PGLYRP4: variants seen among roughly 807,000 people sequenced by gnomAD.
PGLYRP4 encodes the protein peptidoglycan recognition protein 4.
A neutral mutation model predicts 41.2 loss-of-function variants in PGLYRP4; 39 were observed. The ratio of observed to expected loss-of-function variants is 0.95; its 90% CI spans 0.73 to 1.24. The LOEUF (loss-of-function observed/expected upper bound fraction) is 1.24, where lower values mean the gene tolerates loss of function less well. Among genes scored for constraint, PGLYRP4 ranks in the 50% most tolerant of loss-of-function variants. The pLI is 0.00. For missense variants in PGLYRP4, 467 were observed against 460.7 expected (o/e 1.01, Z -0.13); for synonymous variants, 202 against 186.8 (o/e 1.08, Z -0.66).
intron 4 of PGLYRP4, among the ~76,000 whole-genome samples, chr1:153,344,391 A>G (rs1047222348): frequency 3.3e-5 from 5 of 152,194 alleles, no homozygotes; most frequent in African/African-American, 7.2e-5. Context: ...TGGCCTTCCC[A>G]GGAGCTGTGT....
At chr1:153,343,270 A>G in intron 4 of PGLYRP4, 62 bp from the exon 5 acceptor site, 1 of 1,106,048 alleles carries the variant, frequency 9.0e-7, no homozygotes, top group Non-Finnish European at 1.4e-6. Context: ...GAGAGGTGAA[A>G]CCACTTACCC....
chr1:153,342,713 G>T (rs1427278380), intron 5 of PGLYRP4, among the ~76,000 whole-genome samples: 2 of 152,074 alleles, frequency 1.3e-5, no homozygotes, highest in Non-Finnish European at 2.9e-5. Context: ...GCAGGAACTT[G>T]GAAAGCATGG....
At chr1:153,342,008 C>T (rs893990204) in intron 5 of PGLYRP4, among the ~76,000 whole-genome samples, 6 of 152,200 alleles carry the variant, frequency 3.9e-5, no homozygotes, top group Admixed American at 6.5e-5. Context: ...CAAACTTCAC[C>T]TCCTCTCTCC....
chr1:153,345,280 A>G lies in PGLYRP4; in HGVS notation c.242T>C (p.Ile81Thr). The part of the protein sequence containing the change: ...QLTTPVNVLV[I>T]HHVPGLECHD... ...ACACTCCAGTCCAGGGACATGGTGTATAACAAGGACATTCACTGGCGTGGT... is the reference window on the plus strand; with the variant it reads ...ACACTCCAGTCCAGGGACATGGTGTGTAACAAGGACATTCACTGGCGTGGT... The change falls in exon 4 of 9, where the codon ATA becomes ACA. Residue 81 changes from isoleucine (I) to threonine (T), a missense_variant. Physicochemically the swap from Ile to Thr is moderately conservative, Grantham distance 89. Coordinates refer to ENST00000359650, the MANE Select transcript of PGLYRP4 (RefSeq NM_020393.4). 6.2e-7 allele frequency: 1 copy of G among 1,614,156 alleles called. No individual in the cohort carries two copies.
chr1:153,335,656 C>T (rs1372689440), intron 8 of PGLYRP4, among the ~76,000 whole-genome samples: 1 of 149,948 alleles, frequency 6.7e-6, no homozygotes, highest in African/African-American at 2.5e-5. Context: ...ACCCGGGTGG[C>T]GGAGGTTGCA....
chr1:153,336,852 G>A lies in PGLYRP4; in HGVS notation c.943+329C>T, dbSNP rs1299929544. Among the ~76,000 whole-genome samples the A allele has an allele frequency of 5.9e-5, 9 of 152,318 alleles. No homozygotes were observed. The East Asian group carries it at 1.7e-3, about 29-fold the overall frequency. ...TAAGGAAAAGTGTCTCTACATTGTT[G>A]TCATGGTAACCAAGAGAAGATGCAT... On this transcript the variant is annotated intron_variant, in intron 8 of 8. Transcript: ENST00000359650.
At chr1:153,332,616 A>G (rs1332868134) in intron 8 of PGLYRP4, among the ~76,000 whole-genome samples, 4 of 152,162 alleles carry the variant, frequency 2.6e-5, no homozygotes, top group Non-Finnish European at 5.9e-5. Context: ...TCAAAAATAG[A>G]CCATATGCTA....
chr1:153,336,989 T>A (rs934226751), intron 8 of PGLYRP4, among the ~76,000 whole-genome samples, 192 bp downstream of exon 8: 2 of 152,198 alleles, frequency 1.3e-5, no homozygotes, highest in African/African-American at 2.4e-5. Flanking sequence ...GGAGGGTAGA[T>A]ATAGGGTGAG....
chr1:153,346,159 G>C lies in PGLYRP4; in HGVS notation c.82C>G (p.Gln28Glu). 1 of 1,613,994 alleles carries C rather than the reference G, an allele frequency of 6.2e-7. No individual in the cohort carries two copies. The highest frequency in any genetic ancestry group is 1.1e-5 in the South Asian group (1 of 91,086). Residue 28 changes from glutamine (Q) to glutamate (E), a missense_variant, in exon 3 of 9, where the codon CAG (glutamine) becomes GAG (glutamate). Physicochemically the swap from Gln to Glu is conservative, Grantham distance 29. Coordinates refer to ENST00000359650, the MANE Select transcript of PGLYRP4 (RefSeq NM_020393.4). ...DSSWNKTQAK[Q>E]VSEGLQYLFE... is the part of the protein sequence containing the mutation. ...AGGTACTGGAGCCCCTCTGATACCT[G>C]TTTAGCTTGTGTTTTGTTCCAGGAG... is the stretch of plus-strand genomic sequence containing the variant.
chr1:153,335,181 C>CA (rs34539553), intron 8 of PGLYRP4, among the ~76,000 whole-genome samples: 140,728 of 152,174 alleles, frequency 0.92, 65,128 homozygotes, highest in African/African-American at 0.97. Flanking sequence ...GCAACAAAAA[C>CA]AAAAAAGACA....
chr1:153,344,976 C>A lies in PGLYRP4; in HGVS notation c.353+193G>T, dbSNP rs1204822514. The A allele has an allele frequency of 2.2e-5, 13 of 578,494 alleles. No homozygotes were observed. The East Asian group carries it at 3.7e-4, about 17-fold the overall frequency. 35.8% of individuals were successfully genotyped at this position (578,494 alleles called of 1,614,324 possible). ...AACCTTCCTTGCTTCCTCCTGGGAG[C>A]TCTCAGAGACAGGCACCTCACAGAA... On this transcript the variant is annotated intron_variant, in intron 4 of 8. Transcript: ENST00000359650.
At chr1:153,337,372 T>A in intron 7 of PGLYRP4, 73 bp from the exon 8 acceptor site, 4 of 884,222 alleles carry the variant, frequency 4.5e-6, no homozygotes, top group Non-Finnish European at 7.2e-6. Context: ...TGTATTAATT[T>A]ATTCATGTCT....
At chr1:153,347,769 C>G in intron 2 of PGLYRP4, 115 bp downstream of exon 2, 1 of 767,190 alleles carries the variant, frequency 1.3e-6, no homozygotes, top group Non-Finnish European at 2.3e-6. Flanking sequence ...TCTCGGCTCA[C>G]TGCAGCCTTG....
intron 8 of PGLYRP4, among the ~76,000 whole-genome samples, chr1:153,333,713 T>A (rs142153274): frequency 1.3e-5 from 2 of 152,260 alleles, no homozygotes; most frequent in African/African-American, 4.8e-5. Context: ...AAAAGTTAAT[T>A]CCCACAATCA....
Position 153,343,125 on chromosome 1 carries a change from ATGT to A in PGLYRP4, c.434_436del (p.Asn145del), listed in dbSNP as rs376820561. 6.8e-6 allele frequency: 11 copies of A among 1,613,166 alleles called. No individual in the cohort carries two copies. The highest frequency in any genetic ancestry group is 5.3e-5 in the African/African-American group (4 of 74,912). On this transcript the variant is annotated inframe_deletion, in exon 5 of 9. Transcript: ENST00000359650. ...GCCAAAGAAGGCAAAGCCCAGGGAG[ATGT>A]TGTTGTAGCCTTGGGTGTGCACTCC...
intron 8 of PGLYRP4, 102 bp downstream of exon 8, chr1:153,337,079 C>T (rs554006095): frequency 4.5e-6 from 4 of 895,988 alleles, no homozygotes; most frequent in East Asian, 2.4e-5. Context: ...CAAGCATATG[C>T]AGGCACTAAA....
At position 153,347,913 on chromosome 1, in the gene PGLYRP4, A is replaced by G. The variant is rs1442908282; in HGVS notation, c.20T>C (p.Val7Ala). The change falls in exon 2 of 9, where the codon GTC becomes GCC. Residue 7 changes from valine (V) to alanine (A), a missense_variant. Physicochemically the swap from Val to Ala is moderately conservative, Grantham distance 64. Coordinates refer to ENST00000359650, the MANE Select transcript of PGLYRP4 (RefSeq NM_020393.4). ...GGCCTGGATACCCAGAGCAGAGAAG[A>G]CAAGAAGCCACGGCAGCATCCCCAC... Reference protein sequence around the residue: MLPWLLVFSALGIQAWG... With the variant: MLPWLLAFSALGIQAWG... 6.2e-7 allele frequency: 1 copy of G among 1,613,764 alleles called. No individual in the cohort carries two copies. The highest frequency in any genetic ancestry group is 8.5e-7 in the Non-Finnish European group (1 of 1,179,662).
chr1:153,341,759 C>A lies in PGLYRP4; in HGVS notation c.493G>T (p.Ala165Ser). ...TKKGHSPSPA[A>S]LSAMENLITY... ...ATTAGGTTTTCCATGGCCGACAGGG[C>A]AGCAGGGCTGGGACTGTGGCCTAGA... Residue 165 changes from alanine (A) to serine (S), a missense_variant, in exon 6 of 9, where the codon GCC becomes TCC. Ala to Ser is a moderately conservative substitution (Grantham distance 99). Coordinates refer to ENST00000359650, the MANE Select transcript of PGLYRP4 (RefSeq NM_020393.4). The A allele has an allele frequency of 3.6e-5, 58 of 1,613,858 alleles. No individual in the cohort carries two copies. Among genetic ancestry groups the A allele is most frequent in the Non-Finnish European group, 4.7e-5 (56 of 1,179,962 alleles).
chr1:153,330,423 G>C lies in PGLYRP4; in HGVS notation c.*344C>G. 1 of 179,572 alleles carries C rather than the reference G, an allele frequency of 5.6e-6. No homozygotes were observed. Among genetic ancestry groups the C allele is most frequent in the Non-Finnish European group, 1.2e-5 (1 of 83,616 alleles). 11.1% of individuals were successfully genotyped at this position (179,572 alleles called of 1,614,324 possible). A position where few individuals can be genotyped will look rare whatever the true frequency, so the allele number is the denominator to read the frequency against. ...TGGGGGCTGCCAGGCAGACACCAGG[G>C]GAAGGCTCACCAGGCAGAGGGGAAT... On this transcript the variant is annotated 3_prime_UTR_variant, in exon 9 of 9. Coordinates refer to ENST00000359650, the MANE Select transcript of PGLYRP4 (RefSeq NM_020393.4).
Sources: allele counts gnomAD v4.1 joint callset (sites outside exome capture counted in the v4.1 genomes callset), GRCh38; gene constraint gnomAD v4.1.1; transcripts MANE v1.5; gene names NCBI Gene and HGNC (gene_info 2026-07-23, HGNC 2026-07-21).